Variants in SLC31A1 observed in about 807,000 individuals in gnomAD.
The protein encoded by SLC31A1 is high affinity copper uptake protein 1.
In SLC31A1, 5 loss-of-function variants were observed where a neutral mutation model predicts 17.2. The observed-to-expected ratio is 0.29, with a 90% CI of 0.15 to 0.61. The LOEUF (loss-of-function observed/expected upper bound fraction) is 0.61, where lower values mean the gene tolerates loss of function less well. Among genes scored for constraint, SLC31A1 ranks in the 20% least tolerant of loss-of-function variants. The probability of loss-of-function intolerance (pLI) is 0.86; values close to 1 mark genes in which losing one functional copy is unlikely to be tolerated. For missense variants in SLC31A1, 161 were observed against 241.4 expected, an observed-to-expected ratio of 0.67 and a Z score of 2.21; for synonymous variants, 76 against 78.8, an observed-to-expected ratio of 0.96 and a Z score of 0.19.
intron 1 of SLC31A1, among the ~76,000 whole-genome samples, chr9:113,245,872 G>A (rs548270293): frequency 2.6e-5 from 4 of 151,984 alleles, no homozygotes; most frequent in African/African-American, 4.8e-5. Context: ...GGGCTTAAGC[G>A]ATCTGCCTGC....
intron 1 of SLC31A1, among the ~76,000 whole-genome samples, chr9:113,246,828 T>C (rs1831585054): frequency 6.6e-6 from 1 of 151,754 alleles, no homozygotes; most frequent in Non-Finnish European, 1.5e-5. Flanking sequence ...TTAGTAGAGA[T>C]GGGGTTTTGC....
At chr9:113,244,831 T>A (rs968534544) in intron 1 of SLC31A1, among the ~76,000 whole-genome samples, 2 of 152,232 alleles carry the variant, frequency 1.3e-5, no homozygotes, top group Non-Finnish European at 2.9e-5. Context: ...ACTACAGTTG[T>A]AGCAAGTGCC....
intron 1 of SLC31A1, among the ~76,000 whole-genome samples, chr9:113,245,397 A>G (rs7022397): frequency 0.47 from 71,518 of 151,880 alleles, 17,160 homozygotes; most frequent in South Asian, 0.59. Context: ...ATTGCATTTT[A>G]TACACTTTAT....
intron 1 of SLC31A1, chr9:113,255,834 C>G (rs900971294): frequency 1.5e-5 from 3 of 194,700 alleles, no homozygotes; most frequent in African/African-American, 7.1e-5. Context: ...AGTAAAGATG[C>G]TAGGAGAGCA....
In SLC31A1 at chr9:113,260,464, T is replaced by C; in HGVS notation, c.564T>C (p.His188=). ...KKAVVVDITE[H]CH Reference sequence around the variant, plus strand: ...CAGTGGTAGTGGATATCACAGAGCATTGCCATTGACATCAAACTCTATGGC... The same window carrying C: ...CAGTGGTAGTGGATATCACAGAGCACTGCCATTGACATCAAACTCTATGGC... Residue 188 remains histidine (H), a synonymous_variant, in exon 5 of 5, where the codon CAT becomes CAC. Coordinates refer to ENST00000374212, the MANE Select transcript of SLC31A1 (RefSeq NM_001859.4). 3 of 1,613,554 alleles carry C rather than the reference T, an allele frequency of 1.9e-6. No individual in the cohort carries two copies. The highest frequency in any genetic ancestry group is 2.5e-6 in the Non-Finnish European group (3 of 1,179,898).
At chr9:113,231,381 T>C (rs1831401251) in intron 1 of SLC31A1, among the ~76,000 whole-genome samples, 3 of 152,032 alleles carry the variant, frequency 2.0e-5, no homozygotes, top group Admixed American at 1.3e-4. Flanking sequence ...CTGGGCAACA[T>C]AGGGAGACCC....
At chr9:113,237,474 G>A (rs780310210) in intron 1 of SLC31A1, among the ~76,000 whole-genome samples, 12 of 151,832 alleles carry the variant, frequency 7.9e-5, no homozygotes, top group Non-Finnish European at 1.8e-4. Context: ...CCTTGCCTCC[G>A]TTTTTCTGAG....
intron 1 of SLC31A1, among the ~76,000 whole-genome samples, chr9:113,237,659 G>A (rs1269843738): frequency 1.3e-5 from 2 of 152,280 alleles, no homozygotes; most frequent in East Asian, 3.9e-4. Context: ...ACCTTGGCTA[G>A]CCTTTTAACC....
At chr9:113,241,131 T>C (rs1305426976) in intron 1 of SLC31A1, among the ~76,000 whole-genome samples, 2 of 151,822 alleles carry the variant, frequency 1.3e-5, no homozygotes, top group Admixed American at 6.6e-5. Context: ...GCGGAGTAGA[T>C]TGAGATAAGG....
chr9:113,260,247 T>C, intron 4 of SLC31A1, 25 bp from the exon 5 acceptor site: 1 of 1,607,608 alleles, frequency 6.2e-7, no homozygotes, highest in Non-Finnish European at 8.5e-7. Context: ...AGTCCCTGAT[T>C]GTTGTGTCCC....
rs1587997112 is a variant in SLC31A1, at chr9:113,258,143, G to A, written c.203-551G>A. Among the ~76,000 whole-genome samples, 1 of 152,114 alleles carries A rather than the reference G, an allele frequency of 6.6e-6. No individual in the cohort carries two copies. Among genetic ancestry groups the A allele is most frequent in the Non-Finnish European group, 1.5e-5 (1 of 68,036 alleles). On this transcript the variant is annotated intron_variant, in intron 3 of 4. Transcript: ENST00000374212. This position sits in a 1 kb window ranked among gnomAD's most constrained non-coding sequence, Gnocchi z 4.8. ...GTATGGTATACTTTAAATTTAACTT[G>A]CGCAAACTCAATAGTCAGTTGGACT...
intron 1 of SLC31A1, among the ~76,000 whole-genome samples, chr9:113,238,044 C>A (rs1831482316): frequency 6.6e-6 from 1 of 152,098 alleles, no homozygotes; most frequent in Non-Finnish European, 1.5e-5. Flanking sequence ...TCTTTTCTCC[C>A]CTCTTTTTCC....
At chr9:113,253,552 ATTTT>A (rs71491085) in intron 1 of SLC31A1, among the ~76,000 whole-genome samples, 1 of 128,816 alleles carries the variant, frequency 7.8e-6, no homozygotes. Flanking sequence ...GAGCTCTGTA[ATTTT>A]TTTTTTTTTT....
At chr9:113,241,090 G>A (rs934643036) in intron 1 of SLC31A1, among the ~76,000 whole-genome samples, 1 of 151,500 alleles carries the variant, frequency 6.6e-6, no homozygotes, top group African/African-American at 2.4e-5. Context: ...AAAGTGAGTA[G>A]GTCAGTTTCA....
At chr9:113,235,887 A>T (rs1831452715) in intron 1 of SLC31A1, among the ~76,000 whole-genome samples, 1 of 152,240 alleles carries the variant, frequency 6.6e-6, no homozygotes, top group South Asian at 2.1e-4. Flanking sequence ...CTGGAAAGTA[A>T]TATGAACAGT....
Position 113,234,228 on chromosome 9 carries a change from T to TCTTG in SLC31A1, c.-36+12553_-36+12556dup, listed in dbSNP as rs575099831. Among the ~76,000 whole-genome samples, 1,186 of 151,994 alleles carry TCTTG rather than the reference T, an allele frequency of 7.8e-3. 10 individuals are homozygous for TCTTG. Among genetic ancestry groups the TCTTG allele is most frequent in the Middle Eastern group, 0.024 (7 of 294 alleles). ...TTTTTTTTTATTTTTTGAGACTGAGTCTTGCTCTGTCACCCAGGCTGGAGT... is the reference window on the plus strand; with the variant it reads ...TTTTTTTTTATTTTTTGAGACTGAGTCTTGCTTGCTCTGTCACCCAGGCTGGAGT... On this transcript the variant is annotated intron_variant, in intron 1 of 4. Transcript: ENST00000374212.
chr9:113,227,127 A>G (rs973761407), intron 1 of SLC31A1, among the ~76,000 whole-genome samples: 3 of 152,184 alleles, frequency 2.0e-5, no homozygotes, highest in South Asian at 4.1e-4. Flanking sequence ...TTGAAATTGC[A>G]TAGCAAATGA....
intron 1 of SLC31A1, among the ~76,000 whole-genome samples, chr9:113,230,498 A>T (rs771005146): frequency 6.6e-6 from 1 of 152,146 alleles, no homozygotes; most frequent in Admixed American, 6.5e-5. Context: ...GACTCAAGAG[A>T]TCCTTCCACC....
chr9:113,255,125 G>T (rs1345565099), intron 1 of SLC31A1, among the ~76,000 whole-genome samples: 1 of 152,160 alleles, frequency 6.6e-6, no homozygotes, highest in African/African-American at 2.4e-5. Flanking sequence ...CGTGCCTAGG[G>T]CCATAGTAGA....
Sources: gnomAD v4.1 joint callset for allele counts (sites outside exome capture counted in the v4.1 genomes callset) on GRCh38, gnomAD v4.1.1 for gene constraint, Gnocchi (gnomAD v3.1) non-coding constraint, MANE v1.5 for transcripts, NCBI Gene and HGNC (gene_info 2026-07-23, HGNC 2026-07-21) for gene names.